GAS2L3: variants seen among roughly 807,000 people sequenced by gnomAD.
GAS2L3 encodes the protein growth arrest specific 2 like 3, also known as GAS2-like protein 3.
GAS2L3 carries 28 observed loss-of-function variants against 37.0 expected under a neutral mutation model. That is an observed-to-expected ratio of 0.76 (90% CI 0.56 to 1.04). GAS2L3 has a LOEUF of 1.04. Among genes scored for constraint, GAS2L3 ranks in the 50% least tolerant of loss-of-function variants. GAS2L3 has a pLI of 0.00. For synonymous variants in GAS2L3, 290 were observed against 296.6 expected, an observed-to-expected ratio of 0.98 and a Z score of 0.23; for missense variants, 793 against 817.6, an observed-to-expected ratio of 0.97 and a Z score of 0.37.
intron 1 of GAS2L3, among the ~76,000 whole-genome samples, chr12:100,588,343 C>A (rs1324275476): frequency 6.6e-6 from 1 of 152,146 alleles, no homozygotes; most frequent in African/African-American, 2.4e-5. Context: ...GCCTGTGATG[C>A]CCTCCTGAGT....
chr12:100,588,426 T>C (rs1279728035), intron 1 of GAS2L3, among the ~76,000 whole-genome samples: 1 of 152,064 alleles, frequency 6.6e-6, no homozygotes, highest in Non-Finnish European at 1.5e-5. Flanking sequence ...GGTACAAAGA[T>C]CACATGCTTC....
At chr12:100,578,828 A>G (rs561896395) in intron 1 of GAS2L3, 41 of 682,950 alleles carry the variant, frequency 6.0e-5, no homozygotes, top group Non-Finnish European at 9.3e-5. Context: ...TTACACACGT[A>G]GAACCCATAC....
chr12:100,583,576 A>G (rs896395968), intron 1 of GAS2L3, among the ~76,000 whole-genome samples: 2 of 151,684 alleles, frequency 1.3e-5, no homozygotes, highest in African/African-American at 4.9e-5. Context: ...GGTTCAAGCG[A>G]TTCTCCTGTC....
intron 1 of GAS2L3, among the ~76,000 whole-genome samples, chr12:100,588,785 T>C (rs1165284472): frequency 6.6e-6 from 1 of 152,168 alleles, no homozygotes; most frequent in African/African-American, 2.4e-5. Flanking sequence ...AATATTAATA[T>C]TCCTTGCTAG....
intron 1 of GAS2L3, among the ~76,000 whole-genome samples, chr12:100,591,412 CA>C (rs1324299871): frequency 6.6e-6 from 1 of 152,136 alleles, no homozygotes; most frequent in Non-Finnish European, 1.5e-5. Flanking sequence ...AGTGAGTTGT[CA>C]GTCACAAATT....
rs1440292555 is a variant in GAS2L3 at position 100,623,697 on chromosome 12, G to T, written c.892G>T (p.Gly298Ter). 1 of 1,614,022 alleles carries T rather than the reference G, an allele frequency of 6.2e-7. No homozygotes were observed. Among genetic ancestry groups the T allele is most frequent in the Non-Finnish European group, 8.5e-7 (1 of 1,179,962 alleles). ...LEQKILAFQK[G>*]VSNESVPDSP... is the part of the protein sequence containing the mutation. ...ACAAAAAATTTTAGCATTTCAAAAA[G>T]GAGTTTCTAATGAAAGTGTACCTGA... Residue 298 changes from glycine (G) to a stop codon, truncating the protein, a stop_gained, in exon 10 of 10, where the codon GGA (glycine) becomes TGA (stop). Coordinates refer to ENST00000547754, the MANE Select transcript of GAS2L3 (RefSeq NM_174942.3). LOFTEE classifies it low-confidence loss of function (END_TRUNC).
chr12:100,581,150 C>T (rs1179860312), intron 1 of GAS2L3, among the ~76,000 whole-genome samples: 1 of 152,188 alleles, frequency 6.6e-6, no homozygotes, highest in Admixed American at 6.5e-5. Flanking sequence ...GGTGTGCCAT[C>T]CCAAAACCAG....
intron 1 of GAS2L3, chr12:100,580,071 T>G: frequency 7.0e-7 from 1 of 1,426,064 alleles, no homozygotes; most frequent in Non-Finnish European, 9.9e-7. Context: ...TTTCTTGAGA[T>G]GGATGACTCC....
Position 100,599,457 on chromosome 12 carries a change from C to T in GAS2L3, c.19-925C>T, listed in dbSNP as rs561733015. On this transcript the variant is annotated intron_variant, in intron 3 of 9. Coordinates refer to ENST00000547754, the MANE Select transcript of GAS2L3 (RefSeq NM_174942.3). ...CAGTAGGCAAAATTGAGATACTACG[C>T]AGTTACTTATATAACAACCATTTTA... is the stretch of plus-strand genomic sequence containing the variant. Among the ~76,000 whole-genome samples, 3 of 152,280 alleles carry T rather than the reference C, an allele frequency of 2.0e-5. No individual in the cohort carries two copies. In the South Asian group the frequency reaches 6.2e-4, roughly 32 times the overall value.
rs913793060 is a variant in GAS2L3, at chr12:100,614,006, A to G, written c.445+1865A>G. 3.9e-5 allele frequency among the ~76,000 whole-genome samples: 6 copies of G among 152,222 alleles called. No individual in the cohort carries two copies. The South Asian group carries it at 6.2e-4, about 16-fold the overall frequency. ...TAGAGTTTCTAACTTTAAGGACTGC[A>G]ACAGAAAAGGAGATGATCCACAACT... is the stretch of plus-strand genomic sequence containing the variant. On this transcript the variant is annotated intron_variant, in intron 6 of 9. Transcript: ENST00000547754.
In GAS2L3 at chr12:100,613,112, T is replaced by C. The variant is rs1419576790; in HGVS notation, c.445+971T>C. Among the ~76,000 whole-genome samples, 8 of 152,338 alleles carry C rather than the reference T, an allele frequency of 5.3e-5. No individual in the cohort carries two copies. In the South Asian group the frequency reaches 6.2e-4, roughly 12 times the overall value. ...ATTATTGACAGTGTAGTTGATGTAA[T>C]GGCACATCTACTTTCTAAAGATCAA... On this transcript the variant is annotated intron_variant, in intron 6 of 9. Transcript: ENST00000547754.
chr12:100,584,383 G>A (rs1433569089), intron 1 of GAS2L3, among the ~76,000 whole-genome samples: 1 of 152,196 alleles, frequency 6.6e-6, no homozygotes, highest in East Asian at 1.9e-4. Context: ...CTCCTTCGAA[G>A]TGTAAATGTT....
intron 8 of GAS2L3, 45 bp from the exon 9 acceptor site, chr12:100,622,230 T>C (rs1344049015): frequency 9.4e-7 from 1 of 1,064,282 alleles, no homozygotes; most frequent in African/African-American, 1.6e-5. Flanking sequence ...TTAAACAAAA[T>C]GCTTTTTGTG....
intron 8 of GAS2L3, 48 bp downstream of exon 8, chr12:100,618,635 A>C: frequency 6.4e-7 from 1 of 1,552,270 alleles, no homozygotes; most frequent in South Asian, 1.2e-5. Flanking sequence ...TTGAAGTCTC[A>C]TAGTTTTAAG....
At chr12:100,603,360 T>C (rs1956016664) in intron 5 of GAS2L3, among the ~76,000 whole-genome samples, 1 of 152,238 alleles carries the variant, frequency 6.6e-6, no homozygotes, top group African/African-American at 2.4e-5. Context: ...TATCTCATTG[T>C]AGTTTTGATT....
At chr12:100,579,571 G>T in intron 1 of GAS2L3, 3 of 773,266 alleles carry the variant, frequency 3.9e-6, no homozygotes. Context: ...GTTCCGGAAA[G>T]ATACCAGTTG....
chr12:100,600,617 T>C (rs995174230), intron 4 of GAS2L3, 67 bp downstream of exon 4: 2 of 1,272,064 alleles, frequency 1.6e-6, no homozygotes, highest in African/African-American at 3.0e-5. Context: ...AGAGCCTTAC[T>C]CTTTGTCAAG....
intron 5 of GAS2L3, 56 bp from the exon 6 acceptor site, chr12:100,611,943 AT>A: frequency 8.6e-7 from 1 of 1,159,662 alleles, no homozygotes; most frequent in Non-Finnish European, 1.3e-6. Flanking sequence ...ATCAAAATGA[AT>A]GTTTAATGAA....
intron 5 of GAS2L3, among the ~76,000 whole-genome samples, chr12:100,608,067 A>G (rs1956078457): frequency 6.6e-6 from 1 of 152,130 alleles, no homozygotes. Context: ...CTTTTCAGAT[A>G]TTCAAAGGGA....
Sources: allele counts gnomAD v4.1 joint callset (sites outside exome capture counted in the v4.1 genomes callset), GRCh38; gene constraint gnomAD v4.1.1; transcripts MANE v1.5; gene names NCBI Gene and HGNC (gene_info 2026-07-23, HGNC 2026-07-21).